The following AAK1 variants were observed in gnomAD, a reference collection of about 807,000 sequenced individuals.
AAK1 encodes AP2-associated protein kinase 1.
Under a neutral mutation model 116.0 loss-of-function variants are expected in AAK1, and 37 were observed. The observed-to-expected ratio is 0.32, with a 90% confidence interval of 0.25 to 0.42. AAK1 has a LOEUF of 0.42. Ranked by LOEUF, AAK1 falls within the 10% of genes least tolerant of loss-of-function variation. AAK1 has a pLI of 1.00. For missense variants in AAK1, 919 were observed against 1,170.6 expected (o/e 0.79, Z 3.14); for synonymous variants, 458 against 439.9 (o/e 1.04, Z -0.51).
At chr2:69,603,929 G>A (rs1278968828) in intron 2 of AAK1, among the ~76,000 whole-genome samples, 2 of 152,214 alleles carry the variant, frequency 1.3e-5, no homozygotes, top group Non-Finnish European at 2.9e-5. Context: ...TTTTCTATCT[G>A]TGGCTGAAAA....
intron 2 of AAK1, among the ~76,000 whole-genome samples, chr2:69,607,672 T>C (rs1205038316): frequency 1.3e-5 from 2 of 152,208 alleles, no homozygotes; most frequent in Non-Finnish European, 2.9e-5. Context: ...AACTCAGTAA[T>C]TTTTTAAATT....
At chr2:69,631,361 T>C (rs988366531) in intron 2 of AAK1, among the ~76,000 whole-genome samples, 2 of 152,370 alleles carry the variant, frequency 1.3e-5, no homozygotes, top group African/African-American at 4.8e-5. Context: ...ATGACAGGCA[T>C]CATTATTTAA....
chr2:69,508,180 T>C (rs1390638541), intron 14 of AAK1, among the ~76,000 whole-genome samples: 2 of 152,220 alleles, frequency 1.3e-5, no homozygotes, highest in Non-Finnish European at 2.9e-5. Flanking sequence ...GTTCAGGATC[T>C]AAAAGCAACC....
chr2:69,550,365 C>T (rs983959685), intron 3 of AAK1, among the ~76,000 whole-genome samples: 3 of 151,774 alleles, frequency 2.0e-5, no homozygotes, highest in Non-Finnish European at 2.9e-5. Flanking sequence ...AGTGCAGTGG[C>T]GCAATCTCAG....
Position 69,472,441 on chromosome 2 carries a change from G to A in AAK1, c.*3428C>T, listed in dbSNP as rs563912746. ...AGAGGAGTTTCAAAAATAACTTTAAGGATGGCAGCATCATTAGAATAAGTA... is the reference window on the plus strand; with the variant it reads ...AGAGGAGTTTCAAAAATAACTTTAAAGATGGCAGCATCATTAGAATAAGTA... On this transcript the variant is annotated 3_prime_UTR_variant, in exon 22 of 22. Coordinates refer to ENST00000409085, the MANE Select transcript of AAK1 (RefSeq NM_014911.5). 4 of 310,586 alleles carry A rather than the reference G, an allele frequency of 1.3e-5. No individual in the cohort carries two copies. In the Admixed American group the frequency reaches 2.6e-4, roughly 20 times the overall value. 19.2% of individuals were successfully genotyped at this position (310,586 alleles called of 1,614,324 possible). A position where few individuals can be genotyped will look rare whatever the true frequency, so the allele number is the denominator to read the frequency against.
Position 69,466,062 on chromosome 2 carries a change from G to A in AAK1, c.*9807C>T, listed in dbSNP as rs1674475482. 1.5e-6 allele frequency: 2 copies of A among 1,290,830 alleles called. No individual in the cohort carries two copies. The highest frequency in any genetic ancestry group is 1.5e-5 in the African/African-American group (1 of 65,830). 80.0% of individuals were successfully genotyped at this position (1,290,830 alleles called of 1,614,324 possible). A position where few individuals can be genotyped will look rare whatever the true frequency, so the allele number is the denominator to read the frequency against. Reference sequence around the variant, plus strand: ...GCTCTTGGAGACAAATGGGGCTTTGGAGAAAATGTCCATGTCATCATTTGG... The same window carrying A: ...GCTCTTGGAGACAAATGGGGCTTTGAAGAAAATGTCCATGTCATCATTTGG... On this transcript the variant is annotated 3_prime_UTR_variant, in exon 22 of 22. Transcript: ENST00000409085.
rs190894302 is a variant in AAK1 at position 69,493,002 on chromosome 2, C to T, written c.2365+2983G>A. Reference sequence around the variant, plus strand: ...TTGCCCAGGTTCTAGAGACACTGAACCCTGAGCCCTTTCCTCACTCAATAT... The same window carrying T: ...TTGCCCAGGTTCTAGAGACACTGAATCCTGAGCCCTTTCCTCACTCAATAT... On this transcript the variant is annotated intron_variant, in intron 17 of 21. Coordinates refer to ENST00000409085, the MANE Select transcript of AAK1 (RefSeq NM_014911.5). Among the ~76,000 whole-genome samples the T allele has an allele frequency of 1.9e-3, 292 of 151,590 alleles. 4 individuals are homozygous for T. Among genetic ancestry groups the T allele is most frequent in the Admixed American group, 4.7e-3 (71 of 15,204 alleles).
intron 17 of AAK1, among the ~76,000 whole-genome samples, chr2:69,489,489 C>A (rs1237877075): frequency 8.7e-5 from 13 of 149,510 alleles, no homozygotes; most frequent in African/African-American, 3.2e-4. Flanking sequence ...TCTACTTATA[C>A]AGGCTAATAA....
chr2:69,559,687 T>C (rs944273768), intron 2 of AAK1, among the ~76,000 whole-genome samples: 2 of 152,194 alleles, frequency 1.3e-5, no homozygotes, highest in Admixed American at 1.3e-4. Context: ...CCATGGCTAG[T>C]TATGGGCAGA....
rs184604452 is a variant in AAK1, at chr2:69,495,707, G to A, written c.2365+278C>T. On this transcript the variant is annotated intron_variant, in intron 17 of 21. Coordinates refer to ENST00000409085, the MANE Select transcript of AAK1 (RefSeq NM_014911.5). ...TCTTTCCAATACAGAGGCCCCTCAC[G>A]TCACCATTAACACAATCAAGGATGA... Among the ~76,000 whole-genome samples the A allele has an allele frequency of 7.9e-5, 12 of 152,068 alleles. No individual in the cohort carries two copies. In the South Asian group the frequency reaches 1.0e-3, roughly 13 times the overall value.
intron 16 of AAK1, among the ~76,000 whole-genome samples, 193 bp from the exon 17 acceptor site, chr2:69,496,273 G>GTTT (rs1182573863): frequency 0.024 from 3,260 of 136,524 alleles, 192 homozygotes; most frequent in East Asian, 0.16. Flanking sequence ...AATCTGGCCC[G>GTTT]TTTTTTTTTT....
chr2:69,597,968 GA>G, intron 2 of AAK1: 36 of 303,786 alleles, frequency 1.2e-4, no homozygotes, highest in Middle Eastern at 9.2e-4. Context: ...TACTTGAGAT[GA>G]AAAAAAAGTG....
At chr2:69,528,174 C>T (rs1418282638) in intron 8 of AAK1, among the ~76,000 whole-genome samples, 2 of 152,126 alleles carry the variant, frequency 1.3e-5, no homozygotes, top group Admixed American at 6.6e-5. Flanking sequence ...CAAGAGAATG[C>T]CTGCTGCAAG....
rs549579630 is a variant in AAK1, at chr2:69,561,180, C to T, written c.164-4202G>A. 3.2e-4 allele frequency among the ~76,000 whole-genome samples: 49 copies of T among 152,306 alleles called. No homozygotes were observed. The South Asian group carries it at 9.7e-3, about 30-fold the overall frequency. Reference sequence around the variant, plus strand: ...AAGCTTTAGATAATCTCCGAGCCTCCAGTTTTCTATGTCTGATCTAGTCTA... The same window carrying T: ...AAGCTTTAGATAATCTCCGAGCCTCTAGTTTTCTATGTCTGATCTAGTCTA... On this transcript the variant is annotated intron_variant, in intron 2 of 21. Transcript: ENST00000409085.
At position 69,505,499 on chromosome 2, in the gene AAK1, T is replaced by C. The variant is rs903695485; in HGVS notation, c.2269+70A>G. On this transcript the variant is annotated intron_variant, in intron 16 of 21. Coordinates refer to ENST00000409085, the MANE Select transcript of AAK1 (RefSeq NM_014911.5). ...GGATTTCACTGGCATGCTAGAGTTA[T>C]CTGTGGAGTAAAAAACAGTGTGAAG... The C allele has an allele frequency of 7.4e-6, 9 of 1,208,176 alleles. No individual in the cohort carries two copies. The East Asian group carries it at 1.2e-4, about 16-fold the overall frequency. 74.8% of individuals were successfully genotyped at this position (1,208,176 alleles called of 1,614,324 possible). A position where few individuals can be genotyped will look rare whatever the true frequency, so the allele number is the denominator to read the frequency against.
In AAK1 at chr2:69,544,340, T is replaced by C. The variant is rs1670839207; in HGVS notation, c.391+96A>G. 3.4e-6 allele frequency: 3 copies of C among 888,584 alleles called. No individual in the cohort carries two copies. The Admixed American group carries it at 6.1e-5, about 18-fold the overall frequency. 55.0% of individuals were successfully genotyped at this position (888,584 alleles called of 1,614,324 possible). ...TCATCTGTCAAACCAGAACATATCA[T>C]AGAGTGCAGTGCACATTAAGTGAAA... On this transcript the variant is annotated intron_variant, in intron 4 of 21. Transcript: ENST00000409085.
rs1483116088 is a variant in AAK1 at position 69,643,045 on chromosome 2, C to T, written c.-5G>A. Reference sequence around the variant, plus strand: ...GGAGTCGAAAAACTTCTTCATCTTGCGAATAGGGAGCAGCAAAGCAAAATA... The same window carrying T: ...GGAGTCGAAAAACTTCTTCATCTTGTGAATAGGGAGCAGCAAAGCAAAATA... On this transcript the variant is annotated 5_prime_UTR_variant, in exon 2 of 22. Transcript: ENST00000409085. 1 of 1,590,564 alleles carries T rather than the reference C, an allele frequency of 6.3e-7. No homozygotes were observed. Among genetic ancestry groups the T allele is most frequent in the Non-Finnish European group, 8.5e-7 (1 of 1,170,522 alleles).
At chr2:69,536,255 A>G (rs79587906) in intron 5 of AAK1, among the ~76,000 whole-genome samples, 1,528 of 152,324 alleles carry the variant, frequency 0.01, 21 homozygotes, top group African/African-American at 0.033. Context: ...CAGACAGCAG[A>G]CTGAGGAAGG....
chr2:69,559,013 C>T (rs1436276356), intron 2 of AAK1, among the ~76,000 whole-genome samples: 2 of 139,146 alleles, frequency 1.4e-5, no homozygotes, highest in African/African-American at 5.8e-5. Context: ...TCATAAAATA[C>T]ACACCTAATT....
Sources: gnomAD v4.1 joint callset for allele counts (sites outside exome capture counted in the v4.1 genomes callset) on GRCh38, gnomAD v4.1.1 for gene constraint, MANE v1.5 for transcripts, NCBI Gene and HGNC (gene_info 2026-07-23, HGNC 2026-07-21) for gene names.